Variants in FGF18 observed in about 807,000 individuals in gnomAD.
The protein encoded by FGF18 is fibroblast growth factor 18.
FGF18 carries 5 observed loss-of-function variants against 23.0 expected under a neutral mutation model. The observed-to-expected ratio is 0.22, with a 90% CI of 0.11 to 0.46. The LOEUF (loss-of-function observed/expected upper bound fraction) is 0.46, where lower values mean the gene tolerates loss of function less well. FGF18 is among the 20% of genes least tolerant of loss of function. The pLI, the probability that FGF18 is intolerant of heterozygous loss-of-function variation, is 0.99. For missense variants in FGF18, 180 were observed against 291.6 expected (o/e 0.62, Z 2.79); for synonymous variants, 117 against 118.9 (o/e 0.98, Z 0.10).
chr5:171,446,284 T>C (rs1772418236), intron 3 of FGF18, among the ~76,000 whole-genome samples: 1 of 151,948 alleles, frequency 6.6e-6, no homozygotes, highest in South Asian at 2.1e-4. Flanking sequence ...TTTGGACAGC[T>C]CAGGCAAAGG....
chr5:171,424,895 C>T (rs1772068724), intron 2 of FGF18, among the ~76,000 whole-genome samples: 1 of 152,154 alleles, frequency 6.6e-6, no homozygotes, highest in Non-Finnish European at 1.5e-5. Flanking sequence ...CATCAGCATT[C>T]CTGAAGCTTG....
intron 2 of FGF18, among the ~76,000 whole-genome samples, chr5:171,425,956 A>G (rs546512843): frequency 1.1e-3 from 167 of 152,290 alleles, no homozygotes; most frequent in African/African-American, 3.8e-3. Context: ...ACATAGCAAG[A>G]GAGAGGCAGA....
intron 2 of FGF18, among the ~76,000 whole-genome samples, chr5:171,423,177 C>T (rs1282779039): frequency 6.6e-6 from 1 of 152,160 alleles, no homozygotes; most frequent in African/African-American, 2.4e-5. Flanking sequence ...CACTGTCCTG[C>T]CCACCCCCAA....
At position 171,445,606 on chromosome 5, in the gene FGF18, TCCACCCGCCTTGGCCTCCCAAAGTGCTAG is replaced by T. The variant is rs552292397; in HGVS notation, c.251-3540_251-3512del. Among the ~76,000 whole-genome samples, 425 of 152,148 alleles carry T rather than the reference TCCACCCGCCTTGGCCTCCCAAAGTGCTAG, an allele frequency of 2.8e-3. 3 individuals carry two copies. The highest frequency in any genetic ancestry group is 9.8e-3 in the African/African-American group (406 of 41,512). On this transcript the variant is annotated intron_variant, in intron 3 of 4. Coordinates refer to ENST00000274625, the MANE Select transcript of FGF18 (RefSeq NM_003862.3). Reference sequence around the variant, plus strand: ...GTGTCGAACTCCTGACCTCAGGTGATCCACCCGCCTTGGCCTCCCAAAGTGCTAGGATTACAGGCATGAGCCACAGCGCC... The same window carrying T: ...GTGTCGAACTCCTGACCTCAGGTGATGATTACAGGCATGAGCCACAGCGCC...
intron 2 of FGF18, among the ~76,000 whole-genome samples, chr5:171,427,682 C>T (rs1375282836): frequency 2.0e-5 from 3 of 152,196 alleles, no homozygotes; most frequent in Non-Finnish European, 4.4e-5. Flanking sequence ...ATTTATGGGA[C>T]GCTTGCTGCA....
chr5:171,445,884 G>A (rs188530878), intron 3 of FGF18, among the ~76,000 whole-genome samples: 2 of 152,158 alleles, frequency 1.3e-5, no homozygotes, highest in East Asian at 1.9e-4. Context: ...CCTGAGCCCG[G>A]ATGAGGTTTC....
chr5:171,449,330 G>T (rs1411034510), intron 4 of FGF18, 77 bp downstream of exon 4: 1 of 906,674 alleles, frequency 1.1e-6, no homozygotes, highest in East Asian at 2.6e-5. Flanking sequence ...ATGTGTCCAG[G>T]GCACTGTCAG....
intron 2 of FGF18, among the ~76,000 whole-genome samples, chr5:171,429,859 T>C (rs1772150612): frequency 6.6e-6 from 1 of 152,176 alleles, no homozygotes; most frequent in Admixed American, 6.5e-5. Context: ...ACCCCCAAAC[T>C]ATGGCCTGTG....
At chr5:171,438,647 C>T (rs80310621) in intron 3 of FGF18, among the ~76,000 whole-genome samples, 162 of 152,232 alleles carry the variant, frequency 1.1e-3, no homozygotes, top group African/African-American at 3.3e-3. Flanking sequence ...TCCGACCCCC[C>T]GACACCCAGG....
rs1249378224 is a variant in FGF18 at position 171,434,487 on chromosome 5, TG to T, written c.70-1603del. Among the ~76,000 whole-genome samples the T allele has an allele frequency of 1.3e-5, 2 of 152,154 alleles. No homozygotes were observed. The highest frequency in any genetic ancestry group is 2.9e-5 in the Non-Finnish European group (2 of 68,008). On this transcript the variant is annotated intron_variant, in intron 2 of 4. Transcript: ENST00000274625. The surrounding 1 kb of genome is among the most constrained non-coding windows in gnomAD (Gnocchi z 4.6). ...AGCCAGGGTCCCAAGAGCTCTGCCA[TG>T]GGCTGAGTGGGGGCGTGCCAGCGTG...
intron 3 of FGF18, among the ~76,000 whole-genome samples, chr5:171,441,034 C>T (rs1772334781): frequency 6.6e-6 from 1 of 152,152 alleles, no homozygotes; most frequent in African/African-American, 2.4e-5. Context: ...AAAATATGTA[C>T]AGGGCAACTC....
Position 171,437,000 on chromosome 5 carries a change from A to G in FGF18, c.250+727A>G, listed in dbSNP as rs901864910. On this transcript the variant is annotated intron_variant, in intron 3 of 4. Transcript: ENST00000274625. This position sits in a 1 kb window ranked among gnomAD's most constrained non-coding sequence, Gnocchi z 4.4. ...CAGACACTGAGCAAATACCACGCAG[A>G]TTATTTATTTAAAATTGCCAGGCCG... is the stretch of plus-strand genomic sequence containing the variant. Among the ~76,000 whole-genome samples, 2 of 152,238 alleles carry G rather than the reference A, an allele frequency of 1.3e-5. No homozygotes were observed. The highest frequency in any genetic ancestry group is 2.9e-5 in the Non-Finnish European group (2 of 68,050).
At chr5:171,454,954 A>T (rs534125919) in intron 4 of FGF18, among the ~76,000 whole-genome samples, 232 of 152,346 alleles carry the variant, frequency 1.5e-3, no homozygotes, top group African/African-American at 5.1e-3. Flanking sequence ...CAAGGAAGGC[A>T]CGCCAGCCCT....
At position 171,420,229 on chromosome 5, in the gene FGF18, C is replaced by A; in HGVS notation, c.30C>A (p.Cys10Ter). Residue 10 changes from cysteine to a stop codon, truncating the protein, a stop_gained and splice_region_variant, in exon 1 of 5, where the codon TGC (cysteine) becomes TGA (stop). Transcript: ENST00000274625. LOFTEE classifies it high-confidence loss of function. MYSAPSACT[C>*]LCLHFLLLCF... is the part of the protein sequence containing the mutation. ...ATTCAGCGCCCTCCGCCTGCACTTG[C>A]CTGTAAGCGCCCGCGCGCGGGGCTG... 1 of 1,571,354 alleles carries A rather than the reference C, an allele frequency of 6.4e-7. No homozygotes were observed.
At chr5:171,442,810 A>C (rs1283869626) in intron 3 of FGF18, among the ~76,000 whole-genome samples, 2 of 152,182 alleles carry the variant, frequency 1.3e-5, no homozygotes, top group Non-Finnish European at 2.9e-5. Flanking sequence ...CCCTCTGGGA[A>C]ACCCGGCTGG....
chr5:171,422,843 C>T (rs374226338), intron 2 of FGF18, among the ~76,000 whole-genome samples: 4 of 152,306 alleles, frequency 2.6e-5, no homozygotes, highest in African/African-American at 9.6e-5. Flanking sequence ...GGCCTGAACC[C>T]CAGCTCCAGC....
chr5:171,421,232 G>A lies in FGF18; in HGVS notation c.69+789G>A, dbSNP rs370415880. 4.6e-5 allele frequency among the ~76,000 whole-genome samples: 7 copies of A among 151,942 alleles called. No individual in the cohort carries two copies. In the East Asian group the frequency reaches 1.4e-3, roughly 29 times the overall value. On this transcript the variant is annotated intron_variant, in intron 2 of 4. Coordinates refer to ENST00000274625, the MANE Select transcript of FGF18 (RefSeq NM_003862.3). ...CTCTGGCTTCCAAAGCCGTAGAAAT[G>A]AAGGAAAAAGGGTTGGGGGGAGGGA...
chr5:171,423,450 C>T (rs1331298862), intron 2 of FGF18, among the ~76,000 whole-genome samples: 1 of 152,232 alleles, frequency 6.6e-6, no homozygotes, highest in African/African-American at 2.4e-5. Context: ...TGCCGCCAGG[C>T]TCGGCTAGGT....
chr5:171,446,878 G>A (rs1301232524), intron 3 of FGF18, among the ~76,000 whole-genome samples: 3 of 152,168 alleles, frequency 2.0e-5, no homozygotes, highest in South Asian at 2.1e-4. Flanking sequence ...AGTGTGGGAT[G>A]TCTGCAGCCC....
Sources: allele counts gnomAD v4.1 joint callset (sites outside exome capture counted in the v4.1 genomes callset), GRCh38; gene constraint gnomAD v4.1.1; non-coding constraint Gnocchi (gnomAD v3.1); transcripts MANE v1.5; gene names NCBI Gene and HGNC (gene_info 2026-07-23, HGNC 2026-07-21).